KCNMB2: variants seen among roughly 807,000 people sequenced by gnomAD.
KCNMB2 encodes the protein potassium calcium-activated channel subfamily M regulatory beta subunit 2, also known as calcium-activated potassium channel subunit beta-2.
Under a neutral mutation model 24.5 loss-of-function variants are expected in KCNMB2, and 9 were observed. The ratio of observed to expected loss-of-function variants is 0.37; its 90% CI spans 0.22 to 0.64. KCNMB2 has a LOEUF of 0.64. KCNMB2 is among the 30% of genes least tolerant of loss of function. KCNMB2 has a pLI of 0.63. For synonymous variants in KCNMB2, 109 were observed against 104.4 expected (o/e 1.04, Z -0.27); for missense variants, 226 against 284.3 (o/e 0.79, Z 1.47).
intron 1 of KCNMB2, among the ~76,000 whole-genome samples, chr3:178,682,882 G>T (rs966444807): frequency 6.6e-6 from 1 of 152,092 alleles, no homozygotes; most frequent in Non-Finnish European, 1.5e-5. Context: ...ACAGATGTTG[G>T]CAAGGCTATG....
chr3:178,833,179 TC>T (rs1715105776), intron 4 of KCNMB2, among the ~76,000 whole-genome samples: 1 of 152,130 alleles, frequency 6.6e-6, no homozygotes, highest in Non-Finnish European at 1.5e-5. Context: ...GGCTGACTAT[TC>T]TCCCAGGATG....
chr3:178,630,046 A>T (rs1364098032), intron 1 of KCNMB2, among the ~76,000 whole-genome samples: 1 of 152,208 alleles, frequency 6.6e-6, no homozygotes, highest in Non-Finnish European at 1.5e-5. Flanking sequence ...CCAGTGCTAA[A>T]GGAAGAACTC....
chr3:178,586,157 G>A (rs1717421732), intron 1 of KCNMB2, among the ~76,000 whole-genome samples: 1 of 152,162 alleles, frequency 6.6e-6, no homozygotes, highest in African/African-American at 2.4e-5. Flanking sequence ...GTCAAGAGGG[G>A]ATTTTGTGGA....
intron 1 of KCNMB2, among the ~76,000 whole-genome samples, chr3:178,785,594 C>G (rs974517078): frequency 7.9e-5 from 12 of 151,916 alleles, no homozygotes; most frequent in Admixed American, 2.0e-4. Flanking sequence ...GTGGTTATCC[C>G]TGGAAAGTAA....
chr3:178,633,175 C>G (rs1719384053), intron 1 of KCNMB2, among the ~76,000 whole-genome samples: 1 of 152,194 alleles, frequency 6.6e-6, no homozygotes, highest in Non-Finnish European at 1.5e-5. Flanking sequence ...TTTCCAGGTG[C>G]ACAGTGTAAG....
chr3:178,677,212 C>G lies in KCNMB2; in HGVS notation c.-67-130131C>G, dbSNP rs563198260. 8.0e-4 allele frequency among the ~76,000 whole-genome samples: 122 copies of G among 152,344 alleles called. 2 individuals are homozygous for G. Among genetic ancestry groups the G allele is most frequent in the African/African-American group, 2.7e-3 (114 of 41,586 alleles). ...TGGGAGTGGAACATCAAACTCCCCA[C>G]GCTGACCTCAGTTGACAGAGGGCTT... On this transcript the variant is annotated intron_variant, in intron 1 of 4. Coordinates refer to ENST00000452583, the MANE Select transcript of KCNMB2 (RefSeq NM_181361.3).
At chr3:178,678,601 T>G (rs115487690) in intron 1 of KCNMB2, among the ~76,000 whole-genome samples, 1 of 152,152 alleles carries the variant, frequency 6.6e-6, no homozygotes, top group African/African-American at 2.4e-5. Flanking sequence ...ATTTCCGACA[T>G]AGTCCAGTAC....
chr3:178,795,074 A>T (rs1476849527), intron 1 of KCNMB2: 1 of 152,186 alleles, frequency 6.6e-6, no homozygotes, highest in African/African-American at 2.4e-5. Flanking sequence ...ATTTGATGTT[A>T]AAAAAATCCT....
chr3:178,733,648 CTT>C (rs999156097), intron 1 of KCNMB2, among the ~76,000 whole-genome samples: 1 of 151,810 alleles, frequency 6.6e-6, no homozygotes, highest in African/African-American at 2.4e-5. Context: ...GCCCAGTTGA[CTT>C]TTGTATTTTT....
intron 1 of KCNMB2, among the ~76,000 whole-genome samples, chr3:178,759,602 A>C (rs62649255): frequency 0.22 from 23,311 of 107,846 alleles, 3,478 homozygotes; most frequent in Non-Finnish European, 0.27. Flanking sequence ...TCTCTCTCCA[A>C]GAGGATATAT....
rs141508978 is a variant in KCNMB2 at position 178,664,636 on chromosome 3, T to C, written c.-68+127925T>C. Among the ~76,000 whole-genome samples the C allele has an allele frequency of 3.2e-3, 491 of 152,140 alleles. 1 individual carries two copies. The highest frequency in any genetic ancestry group is 6.8e-3 in the Middle Eastern group (2 of 294). ...GGCATCCCTGTATCTGAAAGATTCA[T>C]TTTTTTCTACATCTCTTTTTATAAA... On this transcript the variant is annotated intron_variant, in intron 1 of 4. Transcript: ENST00000452583.
intron 1 of KCNMB2, among the ~76,000 whole-genome samples, chr3:178,654,876 C>T (rs1374162067): frequency 6.6e-6 from 1 of 152,166 alleles, no homozygotes; most frequent in Non-Finnish European, 1.5e-5. Flanking sequence ...TTTGGCTCCT[C>T]TGCTTATTTG....
chr3:178,784,921 C>T (rs1347897414), intron 1 of KCNMB2, among the ~76,000 whole-genome samples: 2 of 148,192 alleles, frequency 1.3e-5, no homozygotes, highest in African/African-American at 4.9e-5. Context: ...CAAAAAGTAT[C>T]CACTCTTAAT....
At chr3:178,740,051 T>C (rs1723443780) in intron 1 of KCNMB2, among the ~76,000 whole-genome samples, 1 of 152,182 alleles carries the variant, frequency 6.6e-6, no homozygotes, top group African/African-American at 2.4e-5. Context: ...TATGTAAAAT[T>C]TTTTTGATTT....
At chr3:178,598,830 C>T (rs1717973686) in intron 1 of KCNMB2, among the ~76,000 whole-genome samples, 1 of 152,058 alleles carries the variant, frequency 6.6e-6, no homozygotes, top group Admixed American at 6.6e-5. Context: ...GAGGTGTATG[C>T]ACTCTCCTCT....
intron 1 of KCNMB2, among the ~76,000 whole-genome samples, chr3:178,736,298 C>T (rs778321795): frequency 1.4e-4 from 21 of 152,126 alleles, no homozygotes; most frequent in Admixed American, 2.6e-4. Context: ...CCCATCTAAA[C>T]GGGTTAATTA....
At chr3:178,787,039 G>C (rs1001326364) in intron 1 of KCNMB2, among the ~76,000 whole-genome samples, 1 of 152,048 alleles carries the variant, frequency 6.6e-6, no homozygotes, top group African/African-American at 2.4e-5. Context: ...AGGAGACCAC[G>C]AGGCAAAACG....
At chr3:178,546,664 G>A (rs1312719879) in intron 1 of KCNMB2, among the ~76,000 whole-genome samples, 1 of 152,164 alleles carries the variant, frequency 6.6e-6, no homozygotes, top group Non-Finnish European at 1.5e-5. Context: ...CATGTATTTG[G>A]AAATAAGGCT....
chr3:178,642,747 T>C (rs1719772184), intron 1 of KCNMB2, among the ~76,000 whole-genome samples: 1 of 152,198 alleles, frequency 6.6e-6, no homozygotes, highest in Non-Finnish European at 1.5e-5. Context: ...TATCACCAAT[T>C]TAAAATTTGG....
Sources: allele counts gnomAD v4.1 joint callset (sites outside exome capture counted in the v4.1 genomes callset), GRCh38; gene constraint gnomAD v4.1.1; transcripts MANE v1.5; gene names NCBI Gene and HGNC (gene_info 2026-07-23, HGNC 2026-07-21).